SDK1: variants seen among roughly 807,000 people sequenced by gnomAD.
SDK1 encodes sidekick cell adhesion molecule 1, also known as protein sidekick-1.
SDK1 carries 157 observed loss-of-function variants against 245.5 expected under a neutral mutation model. That is an observed-to-expected ratio of 0.64 (90% CI 0.56 to 0.73). The LOEUF (loss-of-function observed/expected upper bound fraction) is 0.73. Ranked by LOEUF, SDK1 falls within the 30% of genes least tolerant of loss-of-function variation. The probability of loss-of-function intolerance (pLI) is 0.00; values close to 1 mark genes in which losing one functional copy is unlikely to be tolerated. For missense variants in SDK1, 3,583 were observed against 3,002.3 expected, an observed-to-expected ratio of 1.19 and a Z score of -4.52; for synonymous variants, 1,647 against 1,278.5, an observed-to-expected ratio of 1.29 and a Z score of -6.15.
chr7:3,802,374 A>G (rs963020398), intron 4 of SDK1, among the ~76,000 whole-genome samples: 3 of 152,086 alleles, frequency 2.0e-5, no homozygotes, highest in Admixed American at 6.5e-5. Flanking sequence ...AATAAAAATA[A>G]ATAAATAAAA....
chr7:3,846,813 G>A (rs901184578), intron 5 of SDK1, among the ~76,000 whole-genome samples: 10 of 151,856 alleles, frequency 6.6e-5, no homozygotes, highest in African/African-American at 2.2e-4. Flanking sequence ...TTCTCCTCCC[G>A]CTACGAGGGG....
At chr7:3,954,200 C>T (rs970721122) in intron 7 of SDK1, among the ~76,000 whole-genome samples, 1 of 151,334 alleles carries the variant, frequency 6.6e-6, no homozygotes, top group Non-Finnish European at 1.5e-5. Flanking sequence ...CCGCCACTGG[C>T]TGCCCAGTCC....
chr7:3,908,824 A>T (rs1321646768), intron 5 of SDK1, among the ~76,000 whole-genome samples: 1 of 149,876 alleles, frequency 6.7e-6, no homozygotes, highest in Non-Finnish European at 1.5e-5. Flanking sequence ...AGGAGGAAAG[A>T]ATTCATTTTT....
At chr7:3,444,662 C>A (rs538093266) in intron 1 of SDK1, among the ~76,000 whole-genome samples, 47 of 152,236 alleles carry the variant, frequency 3.1e-4, no homozygotes, top group Non-Finnish European at 5.7e-4. Context: ...ATGTATATTT[C>A]TTTTCAACAG....
chr7:3,774,125 G>C (rs527265468), intron 4 of SDK1, among the ~76,000 whole-genome samples: 1 of 149,876 alleles, frequency 6.7e-6, no homozygotes, highest in Non-Finnish European at 1.5e-5. Flanking sequence ...TGAGGCAGGA[G>C]AATGGCGTGA....
intron 1 of SDK1, among the ~76,000 whole-genome samples, chr7:3,571,645 C>G (rs1301732202): frequency 6.6e-6 from 1 of 152,044 alleles, no homozygotes; most frequent in African/African-American, 2.4e-5. Flanking sequence ...TAAGGGAATT[C>G]AAAGCTCCAC....
chr7:3,770,149 A>G (rs755129389), intron 4 of SDK1, among the ~76,000 whole-genome samples: 4 of 152,136 alleles, frequency 2.6e-5, no homozygotes, highest in Non-Finnish European at 5.9e-5. Context: ...ACTGTTCTGT[A>G]TCTGGACTGT....
At chr7:4,173,204 T>A (rs1055167110) in intron 32 of SDK1, among the ~76,000 whole-genome samples, 3 of 152,162 alleles carry the variant, frequency 2.0e-5, no homozygotes, top group Non-Finnish European at 2.9e-5. Context: ...CTTAGAAGGT[T>A]CCTGTTCCTT....
chr7:3,302,907 C>G (rs971905845), intron 1 of SDK1, among the ~76,000 whole-genome samples: 1 of 152,120 alleles, frequency 6.6e-6, no homozygotes, highest in African/African-American at 2.4e-5. Context: ...TAGCTGTGTT[C>G]TGTGTCCTGT....
rs561601340 is a variant in SDK1, at chr7:3,583,765, C to T, written c.299-35315C>T. 2.0e-5 allele frequency among the ~76,000 whole-genome samples: 3 copies of T among 151,654 alleles called. No homozygotes were observed. The East Asian group carries it at 5.9e-4, about 30-fold the overall frequency. ...CAGGAAGACTGCGTCCACCTGCTTG[C>T]AGGGTCCTGTGAATGCCACCGAGAG... On this transcript the variant is annotated intron_variant, in intron 1 of 44. Coordinates refer to ENST00000404826, the MANE Select transcript of SDK1 (RefSeq NM_152744.4).
chr7:4,201,303 T>TC (rs1783866281), intron 35 of SDK1, among the ~76,000 whole-genome samples: 1 of 152,172 alleles, frequency 6.6e-6, no homozygotes, highest in African/African-American at 2.4e-5. Flanking sequence ...TGTCTCCAGG[T>TC]CCCCCTGCTC....
chr7:3,890,525 G>T (rs185570604), intron 5 of SDK1, among the ~76,000 whole-genome samples: 1 of 152,238 alleles, frequency 6.6e-6, no homozygotes, highest in African/African-American at 2.4e-5. Flanking sequence ...CATGGACTAT[G>T]CACACGTTGA....
chr7:4,114,635 G>A lies in SDK1; in HGVS notation c.3823+361G>A, dbSNP rs569951619. On this transcript the variant is annotated intron_variant, in intron 25 of 44. Coordinates refer to ENST00000404826, the MANE Select transcript of SDK1 (RefSeq NM_152744.4). ...ACCTTCTTGTCACAAATTAATAGAC[G>A]TAGTATGTTAAGTAATCTAGCCTGT... 2.6e-5 allele frequency among the ~76,000 whole-genome samples: 4 copies of A among 152,298 alleles called. No homozygotes were observed. The South Asian group carries it at 6.2e-4, about 24-fold the overall frequency.
chr7:3,668,751 A>G (rs999810177), intron 4 of SDK1, among the ~76,000 whole-genome samples: 2 of 152,244 alleles, frequency 1.3e-5, no homozygotes, highest in Admixed American at 1.3e-4. Context: ...AGATGGCGCC[A>G]TTGCACTCCA....
chr7:3,846,992 A>G (rs1259320027), intron 5 of SDK1, among the ~76,000 whole-genome samples: 1 of 151,684 alleles, frequency 6.6e-6, no homozygotes, highest in African/African-American at 2.4e-5. Flanking sequence ...GGCTGTCCCC[A>G]GTGCCACCCC....
At chr7:3,929,250 T>G (rs1779888909) in intron 5 of SDK1, among the ~76,000 whole-genome samples, 1 of 152,236 alleles carries the variant, frequency 6.6e-6, no homozygotes, top group Non-Finnish European at 1.5e-5. Flanking sequence ...TTATTTTGAC[T>G]TGATGAAGCG....
intron 1 of SDK1, among the ~76,000 whole-genome samples, chr7:3,538,459 T>A (rs1462249124): frequency 6.0e-4 from 92 of 152,302 alleles, no homozygotes; most frequent in Non-Finnish European, 4.4e-5. Context: ...AGTTCAGAAA[T>A]CTGAATTTCC....
intron 14 of SDK1, among the ~76,000 whole-genome samples, chr7:3,993,488 C>T (rs944656286): frequency 2.0e-5 from 3 of 151,948 alleles, no homozygotes; most frequent in Non-Finnish European, 2.9e-5. Flanking sequence ...GATGAGTGTT[C>T]GTAATTGTGA....
chr7:3,611,894 C>A (rs534540458), intron 1 of SDK1, among the ~76,000 whole-genome samples: 17 of 152,102 alleles, frequency 1.1e-4, no homozygotes, highest in Non-Finnish European at 1.8e-4. Context: ...TAAATTAGTA[C>A]GACCATGGAA....
Sources: allele counts gnomAD v4.1 joint callset (sites outside exome capture counted in the v4.1 genomes callset), GRCh38; gene constraint gnomAD v4.1.1; transcripts MANE v1.5; gene names NCBI Gene and HGNC (gene_info 2026-07-23, HGNC 2026-07-21).